SUCO: variants seen among roughly 807,000 people sequenced by gnomAD.
SUCO encodes SUN domain-containing ossification factor.
In SUCO, 57 loss-of-function variants were observed where a neutral mutation model predicts 148.1. The ratio of observed to expected loss-of-function variants is 0.38; its 90% CI spans 0.31 to 0.48. The LOEUF (loss-of-function observed/expected upper bound fraction) is 0.48. Ranked by LOEUF, SUCO falls within the 20% of genes least tolerant of loss-of-function variation. The pLI is 0.96. For synonymous variants in SUCO, 470 were observed against 502.7 expected (o/e 0.93, Z 0.87); for missense variants, 1,331 against 1,468.2 (o/e 0.91, Z 1.53).
Position 172,570,099 on chromosome 1 carries a change from C to T in SUCO, c.909C>T (p.Val303=). ...SNGGSHATKK[V]QKNRNNYASV... is the part of the protein sequence containing the mutation. ...GAGGTTCACATGCCACCAAAAAGGT[C>T]CAGAAAAATCGAAATAATTATGCCT... is the stretch of plus-strand genomic sequence containing the variant. Residue 303 remains valine, a synonymous_variant, in exon 8 of 24, where the codon GTC becomes GTT. Transcript: ENST00000263688. 1.9e-6 allele frequency: 3 copies of T among 1,594,274 alleles called. No individual in the cohort carries two copies. The highest frequency in any genetic ancestry group is 1.7e-6 in the Non-Finnish European group (2 of 1,168,656).
At chr1:172,541,277 A>T (rs1481951758) in intron 1 of SUCO, among the ~76,000 whole-genome samples, 1 of 152,196 alleles carries the variant, frequency 6.6e-6, no homozygotes, top group African/African-American at 2.4e-5. Context: ...CTAGATACTT[A>T]TATGGAAGGA....
In SUCO at chr1:172,589,375, A is replaced by G. The variant is rs1269779584; in HGVS notation, c.2274A>G (p.Gly758=). 3.1e-6 allele frequency: 5 copies of G among 1,613,676 alleles called. No homozygotes were observed. The highest frequency in any genetic ancestry group is 4.2e-6 in the Non-Finnish European group (5 of 1,179,856). Residue 758 remains glycine, a synonymous_variant, in exon 18 of 24, where the codon GGA becomes GGG. Transcript: ENST00000263688. Reference sequence around the variant, plus strand: ...CTGAGTCTGTTGAATATGAGGCAGGACATATACCATCACCAGTGATTCCCC... The same window carrying G: ...CTGAGTCTGTTGAATATGAGGCAGGGCATATACCATCACCAGTGATTCCCC... The part of the protein sequence containing the change: ...EVSESVEYEA[G]HIPSPVIPQE...
chr1:172,608,784 G>A lies in SUCO; in HGVS notation c.3303G>A (p.Lys1101=). ...PNDLYIVEPL[K]FSPEKKKKRC... ...ATTTGTACATTGTAGAACCCCTCAA[G>A]TTTTCTCCAGAAAAGAAGGTAATTG... The change falls in exon 23 of 24, where the codon AAG becomes AAA. Residue 1101 remains lysine (K), a synonymous_variant. Transcript: ENST00000263688. 1.3e-6 allele frequency: 2 copies of A among 1,566,200 alleles called. No individual in the cohort carries two copies. Among genetic ancestry groups the A allele is most frequent in the Non-Finnish European group, 1.7e-6 (2 of 1,146,106 alleles).
At chr1:172,573,629 T>C (rs1471682757) in intron 9 of SUCO, among the ~76,000 whole-genome samples, 1 of 152,064 alleles carries the variant, frequency 6.6e-6, no homozygotes. Flanking sequence ...ATGAGTGTTA[T>C]CTAAAAAAGG....
rs1467082125 is a variant in SUCO, at chr1:172,543,811, A to T, written c.63-7701A>T. 3.6e-4 allele frequency among the ~76,000 whole-genome samples: 55 copies of T among 152,096 alleles called. 2 individuals carry two copies. Among genetic ancestry groups the T allele is most frequent in the Admixed American group, 3.6e-3 (55 of 15,260 alleles). ...GCCAAATAGAATAAAAACTGCAAGG[A>T]GAAAGAGGCCCAGTATGCTCTTACC... On this transcript the variant is annotated intron_variant, in intron 1 of 23. Transcript: ENST00000263688.
intron 6 of SUCO, among the ~76,000 whole-genome samples, chr1:172,566,693 C>T (rs367587605): frequency 1.9e-4 from 29 of 152,290 alleles, no homozygotes; most frequent in African/African-American, 6.5e-4. Context: ...GGGTGGTTTA[C>T]GCAGAAATTT....
chr1:172,555,115 G>A (rs1653634458), intron 3 of SUCO, among the ~76,000 whole-genome samples: 1 of 152,072 alleles, frequency 6.6e-6, no homozygotes, highest in Admixed American at 6.6e-5. Context: ...GCTAGATACT[G>A]TGCTAGACAC....
At chr1:172,545,252 T>G (rs2149221606) in intron 1 of SUCO, among the ~76,000 whole-genome samples, 1 of 152,322 alleles carries the variant, frequency 6.6e-6, no homozygotes, top group South Asian at 2.1e-4. Flanking sequence ...GAGCTTTGTT[T>G]ATCCTCAACA....
rs1658154507 is a variant in SUCO, at chr1:172,610,576, C to T, written c.*317C>T. On this transcript the variant is annotated 3_prime_UTR_variant, in exon 24 of 24. Coordinates refer to ENST00000263688, the MANE Select transcript of SUCO (RefSeq NM_014283.5). The stretch of plus-strand genomic sequence containing the variant: ...GTGGGATAGGAATGAAAGCCTAAAC[C>T]TCTTCCTTTAGCTTTGTTCCTATTT... 4.7e-6 allele frequency: 1 copy of T among 210,836 alleles called. No homozygotes were observed. Among genetic ancestry groups the T allele is most frequent in the African/African-American group, 2.3e-5 (1 of 43,522 alleles). 13.1% of individuals were successfully genotyped at this position (210,836 alleles called of 1,614,324 possible). A position where few individuals can be genotyped will look rare whatever the true frequency, so the allele number is the denominator to read the frequency against.
chr1:172,584,926 G>C lies in SUCO; in HGVS notation c.1499-92G>C, dbSNP rs775049594. 17 of 807,270 alleles carry C rather than the reference G, an allele frequency of 2.1e-5. 1 individual carries two copies. The highest frequency in any genetic ancestry group is 3.2e-5 in the Non-Finnish European group (17 of 533,298). 50.0% of individuals were successfully genotyped at this position (807,270 alleles called of 1,614,324 possible). A position where few individuals can be genotyped will look rare whatever the true frequency, so the allele number is the denominator to read the frequency against. On this transcript the variant is annotated intron_variant, in intron 15 of 23. Transcript: ENST00000263688. The stretch of plus-strand genomic sequence containing the variant: ...AAGTAACCAGTCAAAAAATGCAAAA[G>C]ATCATTCTAAATGATTTTTTGACTA...
intron 1 of SUCO, among the ~76,000 whole-genome samples, chr1:172,544,968 T>G (rs1652755257): frequency 6.6e-6 from 1 of 152,026 alleles, no homozygotes; most frequent in Non-Finnish European, 1.5e-5. Context: ...GATAAGGGCT[T>G]GAGTTAAGGC....
chr1:172,542,492 A>G (rs1462504026), intron 1 of SUCO, among the ~76,000 whole-genome samples: 5 of 152,172 alleles, frequency 3.3e-5, no homozygotes, highest in Non-Finnish European at 5.9e-5. Context: ...CTGACCTCAC[A>G]ACAGGAGGTG....
At chr1:172,556,758 T>C in intron 4 of SUCO, 1 of 980,188 alleles carries the variant, frequency 1.0e-6, no homozygotes, top group Non-Finnish European at 1.2e-6. Context: ...ATTTAAACTT[T>C]TAAATTTAAA....
chr1:172,568,430 G>A, intron 6 of SUCO: 2 of 978,216 alleles, frequency 2.0e-6, no homozygotes, highest in Non-Finnish European at 2.4e-6. Context: ...TGTCATTTAT[G>A]GTTAACCTAA....
chr1:172,563,031 G>A (rs1486860587), intron 6 of SUCO, among the ~76,000 whole-genome samples: 1 of 152,180 alleles, frequency 6.6e-6, no homozygotes, highest in African/African-American at 2.4e-5. Context: ...CTTCTGCTGT[G>A]ATTGTAAGTT....
chr1:172,590,251 C>T (rs1007613078), intron 18 of SUCO: 9 of 817,706 alleles, frequency 1.1e-5, no homozygotes, highest in South Asian at 5.6e-5. Flanking sequence ...CCAGAGGGCT[C>T]ATGGAAAAAA....
intron 20 of SUCO, among the ~76,000 whole-genome samples, chr1:172,600,548 A>T (rs1657431600): frequency 6.6e-6 from 1 of 152,148 alleles, no homozygotes; most frequent in African/African-American, 2.4e-5. Context: ...GTGAAGTGCG[A>T]GCTGTACACT....
In SUCO at chr1:172,540,210, A is replaced by G. The variant is rs145865716; in HGVS notation, c.62+6713A>G. 8.6e-4 allele frequency among the ~76,000 whole-genome samples: 131 copies of G among 152,334 alleles called. No homozygotes were observed. The Middle Eastern group carries it at 0.017, about 20-fold the overall frequency. On this transcript the variant is annotated intron_variant, in intron 1 of 23. Transcript: ENST00000263688. ...GCCAGAACTAAGAAGGCCAGGTTCT[A>G]AGCCTGTGTTCTCTTAACCGGTATG...
intron 1 of SUCO, among the ~76,000 whole-genome samples, chr1:172,545,904 C>A (rs1203259574): frequency 6.6e-6 from 1 of 152,018 alleles, no homozygotes; most frequent in Non-Finnish European, 1.5e-5. Context: ...GTCCGTCCGT[C>A]CGTCCTTCCT....
Sources: gnomAD v4.1 joint callset for allele counts (sites outside exome capture counted in the v4.1 genomes callset) on GRCh38, gnomAD v4.1.1 for gene constraint, MANE v1.5 for transcripts, NCBI Gene and HGNC (gene_info 2026-07-23, HGNC 2026-07-21) for gene names.